MAGED1: variants seen among roughly 807,000 people sequenced by gnomAD.
MAGED1 encodes the protein MAGE family member D1, also known as melanoma-associated antigen D1.
A neutral mutation model predicts 54.1 loss-of-function variants in MAGED1; 3 were observed. The observed-to-expected ratio is 0.06, with a 90% CI of 0.03 to 0.14. The LOEUF (loss-of-function observed/expected upper bound fraction) is 0.14, where lower values mean the gene tolerates loss of function less well. MAGED1 is among the 10% of genes least tolerant of loss of function. The pLI is 1.00. For synonymous variants in MAGED1, 217 were observed against 227.3 expected, an observed-to-expected ratio of 0.95 and a Z score of 0.41; for missense variants, 485 against 623.4, an observed-to-expected ratio of 0.78 and a Z score of 2.36.
chrX:51,872,314 C>T (rs1927712176), intron 1 of MAGED1, among the ~76,000 whole-genome samples: 1 of 111,465 alleles, frequency 9.0e-6, no homozygotes, highest in African/African-American at 3.3e-5. Flanking sequence ...GCTTTTGTTG[C>T]CATTGCTTTT....
intron 1 of MAGED1, among the ~76,000 whole-genome samples, chrX:51,864,384 A>G (rs1443188441): frequency 6.3e-5 from 7 of 111,653 alleles, no homozygotes; most frequent in South Asian, 3.7e-4. Context: ...TTATTTGTCT[A>G]TGTGTCTGTT....
chrX:51,881,882 C>G (rs1928070372), intron 1 of MAGED1, among the ~76,000 whole-genome samples: 1 of 111,322 alleles, frequency 9.0e-6, no homozygotes, highest in South Asian at 3.8e-4. Context: ...CTCCTCAATT[C>G]CTTTCTTTCC....
At chrX:51,890,254 G>T (rs1557363267), upstream of MAGED1, among the ~76,000 whole-genome samples, 2 of 112,439 alleles carry the variant, frequency 1.8e-5, no homozygotes, top group African/African-American at 6.5e-5. Flanking sequence ...ATTGTTGGGG[G>T]AATTAAGCAC....
chrX:51,878,759 T>G lies in MAGED1; in HGVS notation c.-36-15510T>G, dbSNP rs1389758295. 2.9e-4 allele frequency among the ~76,000 whole-genome samples: 32 copies of G among 111,721 alleles called. No homozygotes were observed. The Admixed American group carries it at 3.0e-3, about 11-fold the overall frequency. On this transcript the variant is annotated intron_variant, in intron 1 of 12. Coordinates refer to the MAGED1 transcript ENST00000375772. ...TAAAATGTTTTAAAATTCTTATACA[T>G]ATATAAATAAAGAAGATAAAATCAA...
intron 1 of MAGED1, among the ~76,000 whole-genome samples, chrX:51,823,852 A>C (rs1170470410): frequency 9.0e-6 from 1 of 111,212 alleles, no homozygotes; most frequent in East Asian, 2.8e-4. Context: ...ATGAGAATCT[A>C]GTTCAGATTT....
At chrX:51,865,341 A>G (rs1423086413) in intron 1 of MAGED1, among the ~76,000 whole-genome samples, 2 of 112,004 alleles carry the variant, frequency 1.8e-5, no homozygotes, top group South Asian at 3.8e-4. Flanking sequence ...AATGCTGGCT[A>G]TGTAATAAGT....
chrX:51,858,366 T>C (rs982171109), intron 1 of MAGED1, among the ~76,000 whole-genome samples: 1 of 112,072 alleles, frequency 8.9e-6, no homozygotes, highest in Non-Finnish European at 1.9e-5. Context: ...CCTTCAGAAA[T>C]CAGGATTCAC....
chrX:51,853,852 G>C (rs1926982308), intron 1 of MAGED1, among the ~76,000 whole-genome samples: 1 of 112,115 alleles, frequency 8.9e-6, no homozygotes, highest in Non-Finnish European at 1.9e-5. Context: ...ATTAGATTTA[G>C]GCTCAGAACT....
At chrX:51,851,446 G>GAACA (rs1557359759) in intron 1 of MAGED1, among the ~76,000 whole-genome samples, 3 of 111,211 alleles carry the variant, frequency 2.7e-5, no homozygotes. Context: ...GCCTGAAACT[G>GAACA]TTGACAGTAC....
chrX:51,835,924 T>C (rs1306503107), intron 1 of MAGED1, among the ~76,000 whole-genome samples: 1 of 112,100 alleles, frequency 8.9e-6, no homozygotes, highest in Non-Finnish European at 1.9e-5. Flanking sequence ...AAAAATTCTT[T>C]TCTGTTTCAT....
At chrX:51,835,303 G>A (rs1385983550) in intron 1 of MAGED1, among the ~76,000 whole-genome samples, 6 of 110,760 alleles carry the variant, frequency 5.4e-5, no homozygotes, top group South Asian at 3.9e-4. Flanking sequence ...CCTACAGTTC[G>A]GCAAAATCAT....
At chrX:51,889,190 G>C (rs1557363081), upstream of MAGED1, among the ~76,000 whole-genome samples, 1 of 111,717 alleles carries the variant, frequency 9.0e-6, no homozygotes, top group African/African-American at 3.3e-5. Context: ...AGCAGATAAA[G>C]GGTACATAGA....
At chrX:51,814,966 TA>T (rs782352592) in intron 1 of MAGED1, among the ~76,000 whole-genome samples, 9,037 of 72,043 alleles carry the variant, frequency 0.13, 582 homozygotes, top group Non-Finnish European at 0.18. Flanking sequence ...ACCTCTCTCT[TA>T]AAAAAAAAAA....
At chrX:51,822,934 G>C (rs1302971593) in intron 1 of MAGED1, among the ~76,000 whole-genome samples, 1 of 111,461 alleles carries the variant, frequency 9.0e-6, no homozygotes, top group African/African-American at 3.2e-5. Flanking sequence ...TTATTTAGAG[G>C]TGTGTTGTTT....
At chrX:51,816,599 G>A (rs1925437502) in intron 1 of MAGED1, among the ~76,000 whole-genome samples, 1 of 111,456 alleles carries the variant, frequency 9.0e-6, no homozygotes, top group South Asian at 3.8e-4. Context: ...TAACACAGGT[G>A]TGTAGTAGTG....
chrX:51,880,131 AAGAC>A (rs781794977), intron 1 of MAGED1, among the ~76,000 whole-genome samples: 10 of 112,365 alleles, frequency 8.9e-5, no homozygotes, highest in Non-Finnish European at 1.9e-4. Flanking sequence ...ATGTGAGACA[AAGAC>A]AGCCTCACGG....
chrX:51,811,415 A>C (rs1284316699), intron 1 of MAGED1, among the ~76,000 whole-genome samples: 1 of 112,121 alleles, frequency 8.9e-6, no homozygotes, highest in Non-Finnish European at 1.9e-5. Context: ...CAGATACTGC[A>C]TGAATAGTAT....
chrX:51,809,464 G>A (rs1366676798), intron 1 of MAGED1, among the ~76,000 whole-genome samples: 9 of 111,596 alleles, frequency 8.1e-5, no homozygotes, highest in East Asian at 2.8e-4. Context: ...AAGAAACTAC[G>A]TCATTAGTTC....
chrX:51,847,614 G>A (rs1602234019), intron 1 of MAGED1, among the ~76,000 whole-genome samples: 1 of 110,562 alleles, frequency 9.0e-6, no homozygotes, highest in East Asian at 2.9e-4. Context: ...CTCACAGATT[G>A]AATGCCAGGC....
Sources: allele counts gnomAD v4.1 joint callset (sites outside exome capture counted in the v4.1 genomes callset), GRCh38; gene constraint gnomAD v4.1.1; transcripts MANE v1.5; gene names NCBI Gene and HGNC (gene_info 2026-07-23, HGNC 2026-07-21).